The following PPP1R9A variants were observed in gnomAD, a reference collection of about 807,000 sequenced individuals.
PPP1R9A encodes protein phosphatase 1 regulatory subunit 9A.
Under a neutral mutation model 141.9 loss-of-function variants are expected in PPP1R9A, and 59 were observed. The ratio of observed to expected loss-of-function variants is 0.42; its 90% CI spans 0.34 to 0.52. The LOEUF (loss-of-function observed/expected upper bound fraction) is 0.52. PPP1R9A is among the 20% of genes least tolerant of loss of function. The probability of loss-of-function intolerance (pLI) is 0.10; values close to 1 mark genes in which losing one functional copy is unlikely to be tolerated. For synonymous variants in PPP1R9A, 500 were observed against 569.7 expected, an observed-to-expected ratio of 0.88 and a Z score of 1.74; for missense variants, 1,444 against 1,611.9, an observed-to-expected ratio of 0.90 and a Z score of 1.78.
intron 2 of PPP1R9A, among the ~76,000 whole-genome samples, chr7:94,958,239 T>C (rs1474464972): frequency 1.3e-5 from 2 of 152,082 alleles, no homozygotes; most frequent in African/African-American, 2.4e-5. Context: ...TGCCTAAATA[T>C]CACTTCCTTG....
intron 3 of PPP1R9A, among the ~76,000 whole-genome samples, chr7:95,116,211 A>G (rs1235862141): frequency 1.3e-5 from 2 of 152,206 alleles, no homozygotes; most frequent in African/African-American, 4.8e-5. Flanking sequence ...AACACTAAAG[A>G]TATTTTAATT....
intron 5 of PPP1R9A, among the ~76,000 whole-genome samples, chr7:95,173,388 T>C (rs1832430610): frequency 6.6e-6 from 1 of 151,868 alleles, no homozygotes; most frequent in Non-Finnish European, 1.5e-5. Context: ...CTATGCAATA[T>C]ATCCATGTAA....
intron 2 of PPP1R9A, among the ~76,000 whole-genome samples, chr7:95,108,631 A>T (rs1226478498): frequency 6.6e-6 from 1 of 151,958 alleles, no homozygotes; most frequent in Non-Finnish European, 1.5e-5. Flanking sequence ...ATGTCTCAAA[A>T]ATTATACACA....
intron 2 of PPP1R9A, among the ~76,000 whole-genome samples, chr7:94,979,226 T>G (rs1380656614): frequency 1.3e-5 from 2 of 152,226 alleles, no homozygotes; most frequent in Non-Finnish European, 2.9e-5. Context: ...ACTCTTTTAT[T>G]TTGTTAATCA....
At chr7:94,940,668 T>G (rs953961278) in intron 2 of PPP1R9A, among the ~76,000 whole-genome samples, 2 of 152,048 alleles carry the variant, frequency 1.3e-5, no homozygotes, top group African/African-American at 4.8e-5. Context: ...TGTCTTCATC[T>G]CCTTTATTGT....
At chr7:95,033,171 A>ATTT (rs10709825) in intron 2 of PPP1R9A, among the ~76,000 whole-genome samples, 44 of 103,862 alleles carry the variant, frequency 4.2e-4, no homozygotes, top group African/African-American at 1.5e-3. Flanking sequence ...TGCCTGGCTA[A>ATTT]TTTTTTTTTT....
At chr7:94,921,435 A>T (rs953330626) in intron 2 of PPP1R9A, among the ~76,000 whole-genome samples, 1 of 149,384 alleles carries the variant, frequency 6.7e-6, no homozygotes, top group African/African-American at 2.5e-5. Context: ...CGACAGAGCT[A>T]GACTCCGGCT....
rs532493108 is a variant in PPP1R9A at position 95,003,758 on chromosome 7, G to A, written c.1395+92250G>A. Among the ~76,000 whole-genome samples, 4 of 152,260 alleles carry A rather than the reference G, an allele frequency of 2.6e-5. No homozygotes were observed. The South Asian group carries it at 8.3e-4, about 32-fold the overall frequency. On this transcript the variant is annotated intron_variant, in intron 2 of 19. Transcript: ENST00000433360. ...TGATTTATTGTTGGTCTGGGTTAGGGCCTAGGCATGGTTAATTGGATTCCT... is the reference window on the plus strand; with the variant it reads ...TGATTTATTGTTGGTCTGGGTTAGGACCTAGGCATGGTTAATTGGATTCCT...
intron 5 of PPP1R9A, among the ~76,000 whole-genome samples, chr7:95,189,112 C>A (rs1835084286): frequency 6.6e-6 from 1 of 152,068 alleles, no homozygotes; most frequent in East Asian, 1.9e-4. Flanking sequence ...AAGTTAGGAC[C>A]CTAATCCCTT....
At chr7:94,955,838 T>TAA (rs1797019333) in intron 2 of PPP1R9A, among the ~76,000 whole-genome samples, 1 of 152,124 alleles carries the variant, frequency 6.6e-6, no homozygotes, top group African/African-American at 2.4e-5. Flanking sequence ...CCAGTATTGT[T>TAA]AGAGTTGGGG....
intron 2 of PPP1R9A, among the ~76,000 whole-genome samples, chr7:94,920,113 A>G (rs934634994): frequency 2.0e-5 from 3 of 152,174 alleles, no homozygotes; most frequent in African/African-American, 7.2e-5. Context: ...CAATAATTCT[A>G]TAGATTATAG....
intron 2 of PPP1R9A, among the ~76,000 whole-genome samples, chr7:94,988,913 G>T (rs570234544): frequency 6.6e-6 from 1 of 151,502 alleles, no homozygotes; most frequent in African/African-American, 2.4e-5. Context: ...AATCTTTTAG[G>T]TTATTTTACT....
At chr7:94,917,178 T>C (rs1362483297) in intron 2 of PPP1R9A, among the ~76,000 whole-genome samples, 1 of 152,174 alleles carries the variant, frequency 6.6e-6, no homozygotes, top group African/African-American at 2.4e-5. Flanking sequence ...CTATGCTTCA[T>C]AACCAGGTAA....
At chr7:94,920,329 C>T (rs979436990) in intron 2 of PPP1R9A, among the ~76,000 whole-genome samples, 1 of 151,576 alleles carries the variant, frequency 6.6e-6, no homozygotes, top group African/African-American at 2.4e-5. Flanking sequence ...CTGGAAATAG[C>T]TTCATAGCAC....
intron 16 of PPP1R9A, among the ~76,000 whole-genome samples, chr7:95,277,948 G>A (rs1803503278): frequency 6.6e-6 from 1 of 152,184 alleles, no homozygotes; most frequent in African/African-American, 2.4e-5. Context: ...TGAGATGTGT[G>A]TATCTCAGAT....
At chr7:95,269,088 A>G in intron 13 of PPP1R9A, 119 bp from the exon 14 acceptor site, 1 of 969,460 alleles carries the variant, frequency 1.0e-6, no homozygotes, top group East Asian at 2.7e-5. Flanking sequence ...TCTGTAAATC[A>G]ACAAAAACTG....
At chr7:95,219,096 G>A (rs1793992710) in intron 7 of PPP1R9A, among the ~76,000 whole-genome samples, 2 of 152,208 alleles carry the variant, frequency 1.3e-5, no homozygotes, top group African/African-American at 4.8e-5. Flanking sequence ...TGCTTTTGCA[G>A]TGGGTGGTAC....
intron 5 of PPP1R9A, among the ~76,000 whole-genome samples, chr7:95,179,499 A>G (rs777795675): frequency 6.6e-6 from 1 of 152,074 alleles, no homozygotes. Context: ...CTCCCCTTCA[A>G]CATAGTACTG....
Position 94,910,396 on chromosome 7 carries a change from TCTC to T in PPP1R9A, c.287_289del (p.Pro96del), listed in dbSNP as rs772763566. ...AACAAGGGGGAAAGGTGGACATTCA[TCTC>T]CTCAGAGAAGAATGAAGCCCAAAGA... On this transcript the variant is annotated inframe_deletion, in exon 2 of 20. Coordinates refer to ENST00000433360, the MANE Select transcript of PPP1R9A (RefSeq NM_001166160.2). The surrounding 1 kb of genome is among the most constrained non-coding windows in gnomAD (Gnocchi z 4.5). 2.9e-5 allele frequency: 46 copies of T among 1,613,976 alleles called. No individual in the cohort carries two copies. Among genetic ancestry groups the T allele is most frequent in the Non-Finnish European group, 3.5e-5 (41 of 1,180,034 alleles).
Sources: allele counts gnomAD v4.1 joint callset (sites outside exome capture counted in the v4.1 genomes callset), GRCh38; gene constraint gnomAD v4.1.1; non-coding constraint Gnocchi (gnomAD v3.1); transcripts MANE v1.5; gene names NCBI Gene and HGNC (gene_info 2026-07-23, HGNC 2026-07-21).